The following CDKL4 variants were observed in gnomAD, a reference collection of about 807,000 sequenced individuals.
CDKL4 encodes the protein cyclin-dependent kinase-like 4.
Under a neutral mutation model 42.0 loss-of-function variants are expected in CDKL4, and 44 were observed. The observed-to-expected ratio is 1.05, with a 90% CI of 0.82 to 1.35. The LOEUF is 1.35. Ranked by LOEUF, CDKL4 falls within the 40% of genes most tolerant of loss-of-function variation. The probability of loss-of-function intolerance (pLI) is 0.00; values close to 1 mark genes in which losing one functional copy is unlikely to be tolerated. For missense variants in CDKL4, 393 were observed against 369.9 expected (o/e 1.06, Z -0.51); for synonymous variants, 120 against 121.6 (o/e 0.99, Z 0.09).
At chr2:39,225,743 G>T (rs1343092273) in intron 3 of CDKL4, 96 bp downstream of exon 3, 3 of 1,243,468 alleles carry the variant, frequency 2.4e-6, no homozygotes, top group South Asian at 1.6e-5. Context: ...GTAGAAAGGG[G>T]AATTGTGGCT....
chr2:39,234,797 A>G (rs1248467972), intron 1 of CDKL4, among the ~76,000 whole-genome samples: 1 of 152,216 alleles, frequency 6.6e-6, no homozygotes, highest in Non-Finnish European at 1.5e-5. Flanking sequence ...GTGCAGCAGC[A>G]TCTTAAACTC....
At chr2:39,174,985 G>A (rs899404080), downstream of CDKL4, among the ~76,000 whole-genome samples, 1 of 152,064 alleles carries the variant, frequency 6.6e-6, no homozygotes, top group Non-Finnish European at 1.5e-5. Context: ...TGTCAAGTTT[G>A]GTTGGGAAAA....
intron 3 of CDKL4, among the ~76,000 whole-genome samples, chr2:39,217,893 T>C (rs1678032750): frequency 6.6e-6 from 1 of 151,884 alleles, no homozygotes; most frequent in Non-Finnish European, 1.5e-5. Context: ...GCCATCACAC[T>C]CAGCTAACTT....
rs1278195821 is a variant in CDKL4 at position 39,229,430 on chromosome 2, AT to A, written c.102del (p.Lys34AsnfsTer14). 41 of 1,612,970 alleles carry A rather than the reference AT, an allele frequency of 2.5e-5. No individual in the cohort carries two copies. Among genetic ancestry groups the A allele is most frequent in the Non-Finnish European group, 3.4e-5 (40 of 1,179,648 alleles). On this transcript the variant is annotated frameshift_variant, in exon 2 of 10. Transcript: ENST00000451199. LOFTEE classifies it high-confidence loss of function. ...ACAGGATCATCTTCAGATTCCACAA[AT>A]TTTTTAACAGCTACTACTTGTCCAG...
At chr2:39,181,889 T>C (rs762891756) in intron 8 of CDKL4, among the ~76,000 whole-genome samples, 8 of 152,212 alleles carry the variant, frequency 5.3e-5, no homozygotes, top group Non-Finnish European at 7.3e-5. Flanking sequence ...CACTGTACCC[T>C]TGCCACCTCT....
chr2:39,229,616 T>G, intron 1 of CDKL4, 28 bp from the exon 2 acceptor site: 1 of 1,116,088 alleles, frequency 9.0e-7, no homozygotes, highest in Admixed American at 2.4e-5. Context: ...CTTGCCTTAA[T>G]CAAGCTATAA....
downstream of CDKL4, among the ~76,000 whole-genome samples, chr2:39,171,331 G>A (rs966141813): frequency 1.3e-5 from 2 of 151,470 alleles, no homozygotes; most frequent in African/African-American, 4.9e-5. Flanking sequence ...AATTTAGAAG[G>A]AAAAAAAACA....
At chr2:39,174,278 C>T (rs556878718), downstream of CDKL4, among the ~76,000 whole-genome samples, 67 of 151,846 alleles carry the variant, frequency 4.4e-4, no homozygotes, top group South Asian at 1.7e-3. Flanking sequence ...TGGTGGCACC[C>T]GCTGTAGTCC....
At chr2:39,169,403 T>C in the CDKL4 span, among the ~76,000 whole-genome samples, 1 of 152,036 alleles carries the variant, frequency 6.6e-6, no homozygotes, top group Non-Finnish European at 1.5e-5. Flanking sequence ...TGTGTTTGCG[T>C]GAGTGTGAAA....
At chr2:39,175,162 G>A (rs1046935159), downstream of CDKL4, among the ~76,000 whole-genome samples, 1 of 152,082 alleles carries the variant, frequency 6.6e-6, no homozygotes, top group Admixed American at 6.6e-5. Context: ...ATTTCATAGA[G>A]GCCATGGATG....
chr2:39,178,786 A>G, intron 9 of CDKL4: 2 of 1,576,610 alleles, frequency 1.3e-6, no homozygotes. Flanking sequence ...GGAAGAGTCA[A>G]GTTACCGTTA....
In CDKL4 at chr2:39,195,458, C is replaced by T. The variant is rs1228450575; in HGVS notation, c.455-4956G>A. Among the ~76,000 whole-genome samples, 6 of 152,164 alleles carry T rather than the reference C, an allele frequency of 3.9e-5. No individual in the cohort carries two copies. In the South Asian group the frequency reaches 6.2e-4, roughly 16 times the overall value. On this transcript the variant is annotated intron_variant, in intron 5 of 9. Coordinates refer to ENST00000451199, the Ensembl canonical transcript of CDKL4. Reference sequence around the variant, plus strand: ...GGCTCTAATTTCTTCATATCTTTACCAACACTTGTTATTTTGTTCTGTGTG... The same window carrying T: ...GGCTCTAATTTCTTCATATCTTTACTAACACTTGTTATTTTGTTCTGTGTG...
chr2:39,228,677 C>A (rs1030604879), intron 2 of CDKL4, among the ~76,000 whole-genome samples: 4 of 152,094 alleles, frequency 2.6e-5, no homozygotes, highest in African/African-American at 9.7e-5. Context: ...CCCGGGGATT[C>A]CAATGCATAT....
chr2:39,199,865 A>T (rs1676743806), intron 5 of CDKL4, among the ~76,000 whole-genome samples: 1 of 152,186 alleles, frequency 6.6e-6, no homozygotes, highest in Non-Finnish European at 1.5e-5. Context: ...TTGATGACAA[A>T]CCCACAGTCA....
chr2:39,200,177 C>T (rs556525909), intron 5 of CDKL4, among the ~76,000 whole-genome samples: 56 of 152,128 alleles, frequency 3.7e-4, no homozygotes, highest in African/African-American at 1.3e-3. Context: ...AAATCAGTAG[C>T]CCCGCTATAT....
At chr2:39,174,420 C>T (rs997517061), downstream of CDKL4, among the ~76,000 whole-genome samples, 6 of 151,744 alleles carry the variant, frequency 4.0e-5, no homozygotes, top group African/African-American at 1.5e-4. Flanking sequence ...AAACCCTTCC[C>T]GTGAACAAAA....
intron 2 of CDKL4, among the ~76,000 whole-genome samples, chr2:39,227,804 G>A (rs183290253): frequency 2.0e-5 from 3 of 152,330 alleles, no homozygotes; most frequent in Admixed American, 6.5e-5. Flanking sequence ...CCAATCTCCT[G>A]TCTTTGGGTA....
chr2:39,178,684 T>C (rs1247947866), intron 9 of CDKL4: 10 of 1,608,310 alleles, frequency 6.2e-6, no homozygotes, highest in Non-Finnish European at 8.5e-6. Context: ...TTCCCAGATG[T>C]CTGGGTTTCA....
intron 4 of CDKL4, among the ~76,000 whole-genome samples, chr2:39,211,213 A>AC (rs1165730267): frequency 6.6e-6 from 1 of 151,954 alleles, no homozygotes; most frequent in African/African-American, 2.4e-5. Flanking sequence ...AGATAGTGAG[A>AC]CCCCCATCTC....
Sources: allele counts gnomAD v4.1 joint callset (sites outside exome capture counted in the v4.1 genomes callset), GRCh38; gene constraint gnomAD v4.1.1; transcripts MANE v1.5; gene names NCBI Gene and HGNC (gene_info 2026-07-23, HGNC 2026-07-21).